CDKL5: variants seen among roughly 807,000 people sequenced by gnomAD.
CDKL5 encodes cyclin-dependent kinase-like 5.
Under a neutral mutation model 61.7 loss-of-function variants are expected in CDKL5, and 8 were observed. The ratio of observed to expected loss-of-function variants is 0.13; its 90% CI spans 0.08 to 0.23. The LOEUF is 0.23. Among genes scored for constraint, CDKL5 ranks in the 10% least tolerant of loss-of-function variants. The probability of loss-of-function intolerance (pLI) is 1.00; values close to 1 mark genes in which losing one functional copy is unlikely to be tolerated. For synonymous variants in CDKL5, 275 were observed against 272.3 expected (o/e 1.01, Z -0.10); for missense variants, 440 against 734.5 (o/e 0.60, Z 4.63).
chrX:18,624,015 T>C (rs776419400), intron 16 of CDKL5: 19 of 747,112 alleles, frequency 2.5e-5, no homozygotes, highest in Non-Finnish European at 2.8e-5. Context: ...CCCGTTTTTA[T>C]GTATGGTAGC....
At chrX:18,652,780 A>G (rs1246358304) in intron 21 of CDKL5, among the ~76,000 whole-genome samples, 1 of 112,195 alleles carries the variant, frequency 8.9e-6, no homozygotes, top group Non-Finnish European at 1.9e-5. Flanking sequence ...TTCTATACTC[A>G]TTTCACCCTT....
chrX:18,623,009 G>T (rs192228108), intron 16 of CDKL5, among the ~76,000 whole-genome samples: 225 of 111,648 alleles, frequency 2.0e-3, no homozygotes, highest in Non-Finnish European at 1.8e-3. Context: ...TCTGACAATT[G>T]AGATATCCAA....
chrX:18,618,354 CTCTAGA>C (rs1926782686), intron 15 of CDKL5, among the ~76,000 whole-genome samples: 1 of 111,675 alleles, frequency 9.0e-6, no homozygotes, highest in Non-Finnish European at 1.9e-5. Context: ...ATTCTTTAAC[CTCTAGA>C]AGTTACAGAA....
chrX:18,470,355 GAAAAAAAAA>G (rs1262986005), intron 1 of CDKL5, among the ~76,000 whole-genome samples: 4 of 7,323 alleles, frequency 5.5e-4, no homozygotes, highest in Admixed American at 1.4e-3. Flanking sequence ...AAGAAGAAAA[GAAAAAAAAA>G]AAAAAGAAGA....
At position 18,647,335 on chromosome X, in the gene CDKL5, G is replaced by A. The variant is rs2239810; in HGVS notation, c.2797+1245G>A. On this transcript the variant is annotated intron_variant, in intron 20 of 21. Coordinates refer to the CDKL5 transcript ENST00000379989. ...CAGAGGCTTGTGATATGGGCATTCT[G>A]GGAAAGGAAAAAGAATTCACATTCA... is the stretch of plus-strand genomic sequence containing the variant. 4.8e-5 allele frequency: 58 copies of A among 1,207,947 alleles called. No individual in the cohort carries two copies. In the East Asian group the frequency reaches 1.5e-3, roughly 31 times the overall value.
At chrX:18,497,097 A>G (rs1397336102) in intron 1 of CDKL5, among the ~76,000 whole-genome samples, 2 of 109,417 alleles carry the variant, frequency 1.8e-5, no homozygotes, top group African/African-American at 6.7e-5. Context: ...GGTTCAAGCA[A>G]TTCTCCTGCC....
intron 1 of CDKL5, among the ~76,000 whole-genome samples, chrX:18,499,392 G>A (rs1922299262): frequency 2.1e-5 from 2 of 94,179 alleles, no homozygotes; most frequent in Admixed American, 1.3e-4. Flanking sequence ...ATGGAGTCTC[G>A]CTCTGTCGCC....
chrX:18,445,324 C>T (rs1427942068), intron 1 of CDKL5, among the ~76,000 whole-genome samples: 7 of 111,061 alleles, frequency 6.3e-5, no homozygotes, highest in East Asian at 2.8e-4. Flanking sequence ...GGGATCTGCC[C>T]GCCTCAGCCT....
chrX:18,633,468 A>G lies in CDKL5; in HGVS notation c.*4711A>G, dbSNP rs761331987. 1.6e-3 allele frequency: 1,231 copies of G among 753,339 alleles called. No homozygotes were observed. The highest frequency in any genetic ancestry group is 1.9e-3 in the Non-Finnish European group (1,193 of 639,275). 62.1% of individuals were successfully genotyped at this position (753,339 alleles called of 1,213,427 possible). A position where few individuals can be genotyped will look rare whatever the true frequency, so the allele number is the denominator to read the frequency against. On this transcript the variant is annotated 3_prime_UTR_variant, in exon 18 of 18. Transcript: ENST00000623535. ...AAAGACTTAAAAGCCTGGCTTACAA[A>G]AATAACCAGAAACCAAACTTGTAAG...
At position 18,438,053 on chromosome X, in the gene CDKL5, A is replaced by G. The variant is rs779493765; in HGVS notation, c.-163+12358A>G. On this transcript the variant is annotated intron_variant, in intron 1 of 17. Coordinates refer to ENST00000623535, the MANE Select transcript of CDKL5 (RefSeq NM_001323289.2). ...GGCTTGAATTGAGTTCGCTTTTGCC[A>G]TGAGTTATTTTCTTTCTTTTCTTTT... Among the ~76,000 whole-genome samples the G allele has an allele frequency of 5.4e-5, 6 of 111,771 alleles. No individual in the cohort carries two copies. In the South Asian group the frequency reaches 2.2e-3, roughly 42 times the overall value.
At chrX:18,461,987 G>A (rs764412343) in intron 1 of CDKL5, among the ~76,000 whole-genome samples, 32 of 111,377 alleles carry the variant, frequency 2.9e-4, no homozygotes, top group Admixed American at 4.8e-4. Context: ...TATCCAACCC[G>A]CGGTCTGTGG....
At chrX:18,564,433 A>G (rs1924897066) in intron 3 of CDKL5, 44 bp from the exon 4 acceptor site, 1 of 1,032,110 alleles carries the variant, frequency 9.7e-7, no homozygotes, top group African/African-American at 1.8e-5. Context: ...CCAGTCGGAA[A>G]AACACTGGAG....
chrX:18,487,240 A>T (rs1921824134), intron 1 of CDKL5, among the ~76,000 whole-genome samples: 1 of 112,305 alleles, frequency 8.9e-6, no homozygotes, highest in South Asian at 3.7e-4. Context: ...AGAGAGGTAG[A>T]AGTGGCTTTG....
At chrX:18,619,742 A>C in intron 15 of CDKL5, 125 bp from the exon 16 acceptor site, 1 of 490,373 alleles carries the variant, frequency 2.0e-6, no homozygotes, top group Non-Finnish European at 3.5e-6. Flanking sequence ...CTCTTTACCC[A>C]AGTGTTTGAT....
intron 1 of CDKL5, among the ~76,000 whole-genome samples, chrX:18,470,090 A>T (rs1921028962): frequency 9.0e-6 from 1 of 111,469 alleles, no homozygotes; most frequent in African/African-American, 3.3e-5. Context: ...TAATCCCAGC[A>T]CTTTGGGAGG....
chrX:18,510,482 ATCTTCTGAGTTAATTTTC>A (rs1419985920), intron 2 of CDKL5, among the ~76,000 whole-genome samples: 1 of 112,426 alleles, frequency 8.9e-6, no homozygotes, highest in Non-Finnish European at 1.9e-5. Context: ...GTTCCACAGA[ATCTTCTGAGTTAATTTTC>A]CTTTATTCTC....
intron 3 of CDKL5, among the ~76,000 whole-genome samples, chrX:18,528,276 G>A (rs1223584905): frequency 1.1e-5 from 1 of 92,910 alleles, no homozygotes; most frequent in Non-Finnish European, 2.1e-5. Context: ...TGTATCTATC[G>A]GTTACTGAAA....
intron 20 of CDKL5, among the ~76,000 whole-genome samples, chrX:18,648,127 G>A (rs755565449): frequency 6.3e-5 from 7 of 111,091 alleles, no homozygotes; most frequent in Admixed American, 4.7e-4. Flanking sequence ...GCTTGAACCC[G>A]GGAGGCAGAG....
At chrX:18,482,049 G>T (rs1455697623) in intron 1 of CDKL5, among the ~76,000 whole-genome samples, 1 of 111,226 alleles carries the variant, frequency 9.0e-6, no homozygotes, top group African/African-American at 3.3e-5. Context: ...TTTCCAACTT[G>T]GTCTTTTTAC....
Sources: allele counts gnomAD v4.1 joint callset (sites outside exome capture counted in the v4.1 genomes callset), GRCh38; gene constraint gnomAD v4.1.1; transcripts MANE v1.5; gene names NCBI Gene and HGNC (gene_info 2026-07-23, HGNC 2026-07-21).